Variants in SLC35G5 observed in about 807,000 individuals in gnomAD.
The protein encoded by SLC35G5 is solute carrier family 35 member G5.
SLC35G5 carries 14 observed loss-of-function variants against 17.6 expected under a neutral mutation model. The ratio of observed to expected loss-of-function variants is 0.79; its 90% CI spans 0.52 to 1.24. SLC35G5 has a LOEUF of 1.24. Among genes scored for constraint, SLC35G5 ranks in the 50% most tolerant of loss-of-function variants. The pLI is 0.00. For missense variants in SLC35G5, 541 were observed against 430.3 expected (o/e 1.26, Z -2.28); for synonymous variants, 236 against 194.9 (o/e 1.21, Z -1.76).
chr8:11,332,358 A>G lies in SLC35G5; in HGVS notation c.*235A>G. ...TTACAGGAATAAAATTAATTGAACT[A>G]TCCTTAAGGAATCCCAGACTTTGGA... On this transcript the variant is annotated 3_prime_UTR_variant, in exon 1 of 1. Coordinates refer to ENST00000382435, the MANE Select transcript of SLC35G5 (RefSeq NM_054028.2). The G allele has an allele frequency of 2.7e-6, 2 of 734,096 alleles. No homozygotes were observed. The highest frequency in any genetic ancestry group is 6.6e-5 in the East Asian group (2 of 30,332). 45.5% of individuals were successfully genotyped at this position (734,096 alleles called of 1,614,324 possible).
chr8:11,331,661 A>C lies in SLC35G5; in HGVS notation c.555A>C (p.Thr185=), dbSNP rs1176566149. ...TCTGGACACTACAGGAGGGGACCACAGGTGTCTACACCACCCTGGGCTATG... is the reference window on the plus strand; with the variant it reads ...TCTGGACACTACAGGAGGGGACCACCGGTGTCTACACCACCCTGGGCTATG... ...PGLWTLQEGT[T]GVYTTLGYVQ... The change falls in exon 1 of 1, where the codon ACA becomes ACC. Residue 185 remains threonine, a synonymous_variant. Coordinates refer to ENST00000382435, the MANE Select transcript of SLC35G5 (RefSeq NM_054028.2). 2.5e-6 allele frequency: 4 copies of C among 1,611,686 alleles called. No homozygotes were observed. Among genetic ancestry groups the C allele is most frequent in the Non-Finnish European group, 3.4e-6 (4 of 1,179,710 alleles).
Position 11,331,834 on chromosome 8 carries a change from C to T in SLC35G5, c.728C>T (p.Thr243Ile), listed in dbSNP as rs150038827. The T allele has an allele frequency of 1.9e-5, 31 of 1,611,896 alleles. No individual in the cohort carries two copies. The African/African-American group carries it at 2.4e-4, about 12-fold the overall frequency. The part of the protein sequence containing the change: ...GCVPGLFVLQ[T>I]PVLPSDLLSW... Reference sequence around the variant, plus strand: ...GTGCCAGGCCTCTTTGTGCTGCAGACCCCCGTGTTGCCCAGTGACCTCCTG... The same window carrying T: ...GTGCCAGGCCTCTTTGTGCTGCAGATCCCCGTGTTGCCCAGTGACCTCCTG... Residue 243 changes from threonine (T) to isoleucine (I), a missense_variant, in exon 1 of 1, where the codon ACC becomes ATC. Thr to Ile is a moderately conservative substitution (Grantham distance 89). Transcript: ENST00000382435.
In SLC35G5 at chr8:11,331,791, G is replaced by T; in HGVS notation, c.685G>T (p.Val229Leu). ...LPTVAFLSGL[V>L]GLLGCVPGLF... Reference sequence around the variant, plus strand: ...AACAGTGGCCTTCCTATCTGGCTTGGTGGGGCTGCTGGGCTGTGTGCCAGG... The same window carrying T: ...AACAGTGGCCTTCCTATCTGGCTTGTTGGGGCTGCTGGGCTGTGTGCCAGG... The change falls in exon 1 of 1, where the codon GTG becomes TTG. Residue 229 changes from valine (V) to leucine (L), a missense_variant. Val to Leu is a conservative substitution (Grantham distance 32). Transcript: ENST00000382435. 3.7e-6 allele frequency: 6 copies of T among 1,611,666 alleles called. No homozygotes were observed. The highest frequency in any genetic ancestry group is 5.1e-6 in the Non-Finnish European group (6 of 1,179,686).
Position 11,332,031 on chromosome 8 carries a change from G to C in SLC35G5, c.925G>C (p.Asp309His), listed in dbSNP as rs751708236. The C allele has an allele frequency of 6.8e-6, 11 of 1,611,904 alleles. No homozygotes were observed. The South Asian group carries it at 1.1e-4, about 16-fold the overall frequency. Residue 309 changes from aspartate (D) to histidine (H), a missense_variant, in exon 1 of 1, where the codon GAC becomes CAC. Physicochemically the swap from Asp to His is moderately conservative, Grantham distance 81. Coordinates refer to ENST00000382435, the MANE Select transcript of SLC35G5 (RefSeq NM_054028.2). ...YMLHETVALS[D>H]IMGAGVVLGS... ...GCTCCATGAGACTGTGGCACTTTCT[G>C]ACATCATGGGGGCAGGGGTTGTGCT...
At position 11,331,770 on chromosome 8, in the gene SLC35G5, G is replaced by T; in HGVS notation, c.664G>T (p.Val222Leu). 1 of 1,611,730 alleles carries T rather than the reference G, an allele frequency of 6.2e-7. No individual in the cohort carries two copies. Among genetic ancestry groups the T allele is most frequent in the Non-Finnish European group, 8.5e-7 (1 of 1,179,716 alleles). Residue 222 changes from valine (V) to leucine (L), a missense_variant, in exon 1 of 1, where the codon GTG becomes TTG. By Grantham distance (32) the Val-to-Leu change is conservative. Coordinates refer to ENST00000382435, the MANE Select transcript of SLC35G5 (RefSeq NM_054028.2). Reference sequence around the variant, plus strand: ...GCACTTTCCCTCCTGCCTCCCAACAGTGGCCTTCCTATCTGGCTTGGTGGG... The same window carrying T: ...GCACTTTCCCTCCTGCCTCCCAACATTGGCCTTCCTATCTGGCTTGGTGGG... ...SLHFPSCLPT[V>L]AFLSGLVGLL... is the part of the protein sequence containing the mutation.
chr8:11,331,610 A>T lies in SLC35G5; in HGVS notation c.504A>T (p.Gly168=). Residue 168 remains glycine (G), a synonymous_variant, in exon 1 of 1, where the codon GGA becomes GGT. Transcript: ENST00000382435. ...EWCGLLGSIL[G]LIIILGPGLW... ...GTGGACTGTTGGGCAGCATCCTAGG[A>T]CTAATCATCATTCTGGGACCTGGAC... 1.2e-6 allele frequency: 2 copies of T among 1,613,128 alleles called. No individual in the cohort carries two copies. The highest frequency in any genetic ancestry group is 1.1e-5 in the South Asian group (1 of 91,008).
rs771975271 is a variant in SLC35G5 at position 11,331,058 on chromosome 8, G to A, written c.-49G>A. The A allele has an allele frequency of 3.2e-6, 5 of 1,547,586 alleles. No homozygotes were observed. In the Admixed American group the frequency reaches 1.0e-4, roughly 31 times the overall value. On this transcript the variant is annotated 5_prime_UTR_variant, in exon 1 of 1. Coordinates refer to ENST00000382435, the MANE Select transcript of SLC35G5 (RefSeq NM_054028.2). Reference sequence around the variant, plus strand: ...GAGGTCACAATGGCTGGAGCTCTGAGGGGCCCAGGCTCCCTGAGCCAGGAG... The same window carrying A: ...GAGGTCACAATGGCTGGAGCTCTGAAGGGCCCAGGCTCCCTGAGCCAGGAG...
At position 11,331,317 on chromosome 8, in the gene SLC35G5, G is replaced by C; in HGVS notation, c.211G>C (p.Glu71Gln). Reference sequence around the variant, plus strand: ...CCAGGGTTCCAACCTGCCCTCGCTGGAGCTGCTCATCTGTCGATGCCTCTT... The same window carrying C: ...CCAGGGTTCCAACCTGCCCTCGCTGCAGCTGCTCATCTGTCGATGCCTCTT... Reference protein sequence around the residue: ...AYQGSNLPSLELLICRCLFHL... With the variant: ...AYQGSNLPSLQLLICRCLFHL... The change falls in exon 1 of 1, where the codon GAG (glutamate) becomes CAG (glutamine). Residue 71 changes from glutamate (E) to glutamine (Q), a missense_variant. By Grantham distance (29) the Glu-to-Gln change is conservative. Coordinates refer to ENST00000382435, the MANE Select transcript of SLC35G5 (RefSeq NM_054028.2). 1 of 1,613,954 alleles carries C rather than the reference G, an allele frequency of 6.2e-7. No homozygotes were observed. The highest frequency in any genetic ancestry group is 2.2e-5 in the East Asian group (1 of 44,874).
At position 11,332,146 on chromosome 8, in the gene SLC35G5, G is replaced by T; in HGVS notation, c.*23G>T. 2 of 1,611,466 alleles carry T rather than the reference G, an allele frequency of 1.2e-6. No individual in the cohort carries two copies. Among genetic ancestry groups the T allele is most frequent in the Non-Finnish European group, 1.7e-6 (2 of 1,179,778 alleles). ...TGAGATAGAACTTGGGAGCCCGGGGGTTGGGAGGGACAGGGATAAATAAAG... is the reference window on the plus strand; with the variant it reads ...TGAGATAGAACTTGGGAGCCCGGGGTTTGGGAGGGACAGGGATAAATAAAG... On this transcript the variant is annotated 3_prime_UTR_variant, in exon 1 of 1. Coordinates refer to ENST00000382435, the MANE Select transcript of SLC35G5 (RefSeq NM_054028.2).
Position 11,331,582 on chromosome 8 carries a change from G to A in SLC35G5, c.476G>A (p.Trp159Ter), listed in dbSNP as rs1801231387. The change falls in exon 1 of 1, where the codon TGG becomes TAG. Residue 159 changes from tryptophan to a stop codon, truncating the protein, a stop_gained. Transcript: ENST00000382435. LOFTEE classifies it high-confidence loss of function. The part of the protein sequence containing the change: ...LESQGLGGYE[W>*]CGLLGSILGL... Reference sequence around the variant, plus strand: ...AGCCAGGGTCTCGGTGGCTACGAGTGGTGTGGACTGTTGGGCAGCATCCTA... The same window carrying A: ...AGCCAGGGTCTCGGTGGCTACGAGTAGTGTGGACTGTTGGGCAGCATCCTA... 1 of 1,611,628 alleles carries A rather than the reference G, an allele frequency of 6.2e-7. No homozygotes were observed. Among genetic ancestry groups the A allele is most frequent in the Non-Finnish European group, 8.5e-7 (1 of 1,179,134 alleles).
chr8:11,331,070 C>T lies in SLC35G5; in HGVS notation c.-37C>T, dbSNP rs776474389. ...GCTGGAGCTCTGAGGGGCCCAGGCT[C>T]CCTGAGCCAGGAGGAGAGGAGAAAG... On this transcript the variant is annotated 5_prime_UTR_variant, in exon 1 of 1. Transcript: ENST00000382435. 2 of 1,561,036 alleles carry T rather than the reference C, an allele frequency of 1.3e-6. No homozygotes were observed. Among genetic ancestry groups the T allele is most frequent in the South Asian group, 1.2e-5 (1 of 80,590 alleles).
rs760297222 is a variant in SLC35G5 at position 11,331,505 on chromosome 8, T to G, written c.399T>G (p.Val133=). 6.2e-7 allele frequency: 1 copy of G among 1,613,746 alleles called. No individual in the cohort carries two copies. Among genetic ancestry groups the G allele is most frequent in the Non-Finnish European group, 8.5e-7 (1 of 1,179,868 alleles). Residue 133 remains valine (V), a synonymous_variant, in exon 1 of 1, where the codon GTT becomes GTG. Transcript: ENST00000382435. ...TGCCCGCTGGCAACGCTGCCACTGTTCGCAAAGGTTCTTCCACCGTATGCT... is the reference window on the plus strand; with the variant it reads ...TGCCCGCTGGCAACGCTGCCACTGTGCGCAAAGGTTCTTCCACCGTATGCT... ...QVVPAGNAAT[V]RKGSSTVCSA...
chr8:11,332,328 C>A lies in SLC35G5; in HGVS notation c.*205C>A. ...GCATGCAAACAAATGAGAAATCTGGCTTATTTACAGGAATAAAATTAATTG... is the reference window on the plus strand; with the variant it reads ...GCATGCAAACAAATGAGAAATCTGGATTATTTACAGGAATAAAATTAATTG... On this transcript the variant is annotated 3_prime_UTR_variant, in exon 1 of 1. Transcript: ENST00000382435. 1.1e-6 allele frequency: 1 copy of A among 923,222 alleles called. No individual in the cohort carries two copies. The highest frequency in any genetic ancestry group is 1.5e-6 in the Non-Finnish European group (1 of 669,826). The allele number at this position is 923,222 out of a possible 1,614,324, so 57.2% of individuals were successfully genotyped here. A position where few individuals can be genotyped will look rare whatever the true frequency, so the allele number is the denominator to read the frequency against.
rs1490490608 is a variant in SLC35G5, at chr8:11,331,878, G to A, written c.772G>A (p.Ala258Thr). 6.2e-7 allele frequency: 1 copy of A among 1,612,036 alleles called. No homozygotes were observed. The highest frequency in any genetic ancestry group is 8.5e-7 in the Non-Finnish European group (1 of 1,179,862). ...CCTCCTGAGTTGGAGTTGTGTGGGGGCAGAGGGGATCCTCGCCTTGGTCTC... is the reference window on the plus strand; with the variant it reads ...CCTCCTGAGTTGGAGTTGTGTGGGGACAGAGGGGATCCTCGCCTTGGTCTC... Reference protein sequence around the residue: ...SDLLSWSCVGAEGILALVSFT... With the variant: ...SDLLSWSCVGTEGILALVSFT... Residue 258 changes from alanine to threonine, a missense_variant, in exon 1 of 1, where the codon GCA (alanine) becomes ACA (threonine). Coordinates refer to ENST00000382435, the MANE Select transcript of SLC35G5 (RefSeq NM_054028.2).
At position 11,331,867 on chromosome 8, in the gene SLC35G5, G is replaced by A; in HGVS notation, c.761G>A (p.Ser254Asn). 3.7e-6 allele frequency: 6 copies of A among 1,612,042 alleles called. No individual in the cohort carries two copies. The highest frequency in any genetic ancestry group is 5.1e-6 in the Non-Finnish European group (6 of 1,179,862). ...PVLPSDLLSW[S>N]CVGAEGILAL... ...TTGCCCAGTGACCTCCTGAGTTGGA[G>A]TTGTGTGGGGGCAGAGGGGATCCTC... The change falls in exon 1 of 1, where the codon AGT (serine) becomes AAT (asparagine). Residue 254 changes from serine (S) to asparagine (N), a missense_variant. Coordinates refer to ENST00000382435, the MANE Select transcript of SLC35G5 (RefSeq NM_054028.2).
Position 11,331,175 on chromosome 8 carries a change from C to A in SLC35G5, c.69C>A (p.Pro23=), listed in dbSNP as rs530214114. Residue 23 remains proline, a synonymous_variant, in exon 1 of 1, where the codon CCC becomes CCA. Coordinates refer to ENST00000382435, the MANE Select transcript of SLC35G5 (RefSeq NM_054028.2). ...ACCCATCGCCGCCCTCCGCTCCACC[C>A]AGCCTCCGCTGGCACCAGCGCTGCC... The part of the protein sequence containing the change: ...STHPSPPSAP[P]SLRWHQRCQP... The A allele has an allele frequency of 1.2e-6, 2 of 1,613,448 alleles. No individual in the cohort carries two copies. Among genetic ancestry groups the A allele is most frequent in the East Asian group, 2.2e-5 (1 of 44,848 alleles).
rs754026343 is a variant in SLC35G5, at chr8:11,331,663, G to T, written c.557G>T (p.Gly186Val). The change falls in exon 1 of 1, where the codon GGT becomes GTT. Residue 186 changes from glycine to valine, a missense_variant. Coordinates refer to ENST00000382435, the MANE Select transcript of SLC35G5 (RefSeq NM_054028.2). ...GLWTLQEGTT[G>V]VYTTLGYVQA... ...TGGACACTACAGGAGGGGACCACAGGTGTCTACACCACCCTGGGCTATGTG... is the reference window on the plus strand; with the variant it reads ...TGGACACTACAGGAGGGGACCACAGTTGTCTACACCACCCTGGGCTATGTG... 6.2e-7 allele frequency: 1 copy of T among 1,611,582 alleles called. No homozygotes were observed. The highest frequency in any genetic ancestry group is 2.2e-5 in the East Asian group (1 of 44,824).
rs542010230 is a variant in SLC35G5 at position 11,331,430 on chromosome 8, C to G, written c.324C>G (p.Ala108=). The part of the protein sequence containing the change: ...PDIRGWACFC[A]LLNVLSIGCA... ...TCCGAGGCTGGGCCTGCTTCTGTGC[C>G]CTGCTCAACGTCCTCAGCATTGGAT... Residue 108 remains alanine, a synonymous_variant, in exon 1 of 1, where the codon GCC becomes GCG. Coordinates refer to ENST00000382435, the MANE Select transcript of SLC35G5 (RefSeq NM_054028.2). 2 of 1,614,026 alleles carry G rather than the reference C, an allele frequency of 1.2e-6. No homozygotes were observed. The highest frequency in any genetic ancestry group is 2.7e-5 in the African/African-American group (2 of 75,066).
Position 11,332,268 on chromosome 8 carries a change from A to G in SLC35G5, c.*145A>G. 7.8e-7 allele frequency: 1 copy of G among 1,289,948 alleles called. No homozygotes were observed. Among genetic ancestry groups the G allele is most frequent in the Non-Finnish European group, 1.0e-6 (1 of 963,164 alleles). 79.9% of individuals were successfully genotyped at this position (1,289,948 alleles called of 1,614,324 possible). A position where few individuals can be genotyped will look rare whatever the true frequency, so the allele number is the denominator to read the frequency against. ...TCTAACTTCCATAGCACATTATAAT[A>G]TTGAGATGTTCAGTTATAATAAAAA... On this transcript the variant is annotated 3_prime_UTR_variant, in exon 1 of 1. Coordinates refer to ENST00000382435, the MANE Select transcript of SLC35G5 (RefSeq NM_054028.2).
Sources: gnomAD v4.1 joint callset for allele counts on GRCh38, gnomAD v4.1.1 for gene constraint, MANE v1.5 for transcripts, NCBI Gene and HGNC (gene_info 2026-07-23, HGNC 2026-07-21) for gene names.